Variants in SBNO2 observed in about 807,000 individuals in gnomAD.
The protein encoded by SBNO2 is strawberry notch homolog 2.
In SBNO2, 89 loss-of-function variants were observed where a neutral mutation model predicts 146.3. The observed-to-expected ratio is 0.61, with a 90% CI of 0.51 to 0.73. SBNO2 has a LOEUF of 0.73. SBNO2 is among the 30% of genes least tolerant of loss of function. The probability of loss-of-function intolerance (pLI) is 0.00; values close to 1 mark genes in which losing one functional copy is unlikely to be tolerated. For synonymous variants in SBNO2, 1,147 were observed against 892.6 expected (o/e 1.29, Z -5.08); for missense variants, 2,092 against 2,003.7 (o/e 1.04, Z -0.84).
chr19:1,156,750 G>C (rs1479198278), intron 1 of SBNO2, among the ~76,000 whole-genome samples: 1 of 152,126 alleles, frequency 6.6e-6, no homozygotes, highest in East Asian at 1.9e-4. Flanking sequence ...GCCAGGCACA[G>C]ATGTGTGTGA....
intron 24 of SBNO2, 27 bp from the exon 25 acceptor site, chr19:1,111,120 G>C (rs115495838): frequency 1.3e-6 from 2 of 1,538,944 alleles, no homozygotes; most frequent in Non-Finnish European, 1.7e-6. Context: ...CTCACATGCT[G>C]GTCTTCCCAC....
rs371572123 is a variant in SBNO2 at position 1,133,215 on chromosome 19, TGCCCACGAGACCGCGG to T, written c.280-5466_280-5451del. 4.2e-3 allele frequency among the ~76,000 whole-genome samples: 634 copies of T among 152,160 alleles called. 4 individuals are homozygous for T. The highest frequency in any genetic ancestry group is 0.015 in the African/African-American group (608 of 41,544). ...GCGACTGACGGGGCAGAGGCCGCAT[TGCCCACGAGACCGCGG>T]CCGAGACCGCGCAGGTGGCCACGGC... On this transcript the variant is annotated intron_variant, in intron 4 of 31. Transcript: ENST00000361757.
rs189976016 is a variant in SBNO2 at position 1,138,541 on chromosome 19, C to T, written c.279+8768G>A. On this transcript the variant is annotated intron_variant, in intron 4 of 31. Coordinates refer to ENST00000361757, the MANE Select transcript of SBNO2 (RefSeq NM_014963.3). ...GGTATGAGCCCAAGAGAAACGAAAA[C>T]GTGTCCACTGGGAAGTTTGCACCCG... 4.0e-3 allele frequency among the ~76,000 whole-genome samples: 613 copies of T among 152,178 alleles called. 21 individuals are homozygous for T. Among genetic ancestry groups the T allele is most frequent in the Admixed American group, 0.039 (590 of 15,294 alleles).
chr19:1,121,615 G>A (rs940424298), intron 11 of SBNO2, among the ~76,000 whole-genome samples: 2 of 152,024 alleles, frequency 1.3e-5, no homozygotes, highest in East Asian at 1.9e-4. Flanking sequence ...TAACTGTCCT[G>A]GGTCTCCTGT....
In SBNO2 at chr19:1,158,311, G is replaced by T. The variant is rs781516449; in HGVS notation, c.-126-3909C>A. 6.6e-6 allele frequency among the ~76,000 whole-genome samples: 1 copy of T among 152,074 alleles called. No homozygotes were observed. Among genetic ancestry groups the T allele is most frequent in the Non-Finnish European group, 1.5e-5 (1 of 67,998 alleles). ...GTCCTCGGAGCCCGGTTCTCCTGCC[G>T]TCCTCTCGCCGAGCAGGGTTGTGAC... On this transcript the variant is annotated intron_variant, in intron 1 of 31. Coordinates refer to ENST00000361757, the MANE Select transcript of SBNO2 (RefSeq NM_014963.3). This position sits in a 1 kb window ranked among gnomAD's most constrained non-coding sequence, Gnocchi z 9.9.
At chr19:1,116,252 G>A in intron 16 of SBNO2, 149 bp from the exon 17 acceptor site, 4 of 654,272 alleles carry the variant, frequency 6.1e-6, no homozygotes, top group South Asian at 5.9e-5. Flanking sequence ...GAGTGGGCTG[G>A]GGAGGACTGG....
rs1356853254 is a variant in SBNO2 at position 1,144,229 on chromosome 19, G to C, written c.279+3080C>G. On this transcript the variant is annotated intron_variant, in intron 4 of 31. Coordinates refer to ENST00000361757, the MANE Select transcript of SBNO2 (RefSeq NM_014963.3). This position sits in a 1 kb window ranked among gnomAD's most constrained non-coding sequence, Gnocchi z 4.1. ...GCGGCCCAGCCCACAGGACTGAGCT[G>C]ACCCACACCCGTCCCATCCCACACT... 6.6e-6 allele frequency among the ~76,000 whole-genome samples: 1 copy of C among 151,716 alleles called. No individual in the cohort carries two copies. Among genetic ancestry groups the C allele is most frequent in the African/African-American group, 2.4e-5 (1 of 41,274 alleles).
Position 1,110,232 on chromosome 19 carries a change from C to T in SBNO2, c.3029-455G>A, listed in dbSNP as rs573934522. ...GAGTGAAGTAGCCATGGCCCGGACC[C>T]GACCCTCATCTGGACACAGGGAAGT... On this transcript the variant is annotated intron_variant, in intron 26 of 31. Coordinates refer to ENST00000361757, the MANE Select transcript of SBNO2 (RefSeq NM_014963.3). This position sits in a 1 kb window ranked among gnomAD's most constrained non-coding sequence, Gnocchi z 4.9. Among the ~76,000 whole-genome samples, 8 of 152,228 alleles carry T rather than the reference C, an allele frequency of 5.3e-5. No individual in the cohort carries two copies. Among genetic ancestry groups the T allele is most frequent in the South Asian group, 2.1e-4 (1 of 4,830 alleles).
chr19:1,120,019 A>G lies in SBNO2; in HGVS notation c.1154T>C (p.Val385Ala). 2 of 1,550,810 alleles carry G rather than the reference A, an allele frequency of 1.3e-6. No individual in the cohort carries two copies. The highest frequency in any genetic ancestry group is 1.7e-6 in the Non-Finnish European group (2 of 1,146,890). ...CTTGGCTTTGTGACACTCGTCGAAC[A>G]CGATCTGAGGCACACGTGGGTTAAG... ...WCGEAFEGVI[V>A]FDECHKAKNA... The change falls in exon 12 of 32, where the codon GTG becomes GCG. Residue 385 changes from valine (V) to alanine (A), a missense_variant. By Grantham distance (64) the Val-to-Ala change is moderately conservative (BLOSUM62 0). Transcript: ENST00000361757.
chr19:1,121,660 G>A (rs928361489), intron 11 of SBNO2, among the ~76,000 whole-genome samples: 1 of 152,186 alleles, frequency 6.6e-6, no homozygotes, highest in African/African-American at 2.4e-5. Context: ...CTGCCGACGA[G>A]AGCCCTGGGA....
At chr19:1,147,592 G>T (rs1055785555) in intron 3 of SBNO2, among the ~76,000 whole-genome samples, 172 bp from the exon 4 acceptor site, 1 of 152,074 alleles carries the variant, frequency 6.6e-6, no homozygotes, top group Admixed American at 6.5e-5. Flanking sequence ...CTCCAGGGGG[G>T]TGGTGGTCAA....
In SBNO2 at chr19:1,119,900, C is replaced by T. The variant is rs2079879806; in HGVS notation, c.1267+6G>A. The T allele has an allele frequency of 6.5e-7, 1 of 1,541,584 alleles. No homozygotes were observed. The highest frequency in any genetic ancestry group is 2.4e-5 in the East Asian group (1 of 40,908). On this transcript the variant is annotated splice_donor_region_variant and intron_variant, in intron 12 of 31. Coordinates refer to ENST00000361757, the MANE Select transcript of SBNO2 (RefSeq NM_014963.3). ...GGTGGGTCACGTGGGATCCGCACCG[C>T]CCCACCTGTGGCGCTGGCGTAGACC... is the stretch of plus-strand genomic sequence containing the variant.
At position 1,112,478 on chromosome 19, in the gene SBNO2, A is replaced by G. The variant is rs752845781; in HGVS notation, c.2439T>C (p.Arg813=). Residue 813 remains arginine, a synonymous_variant, in exon 21 of 32, where the codon CGT becomes CGC. Coordinates refer to ENST00000361757, the MANE Select transcript of SBNO2 (RefSeq NM_014963.3). The surrounding 1 kb of genome is among the most constrained non-coding windows in gnomAD (Gnocchi z 5.9). ...GCACGCGGCGCCGCTGGTTCTGGAC[A>G]CGGCGGTCGGCTTGGAGGGAGACAC... ...SSGVSLQADR[R]VQNQRRRVHM... is the part of the protein sequence containing the mutation. 1.1e-5 allele frequency: 17 copies of G among 1,607,218 alleles called. 1 individual carries two copies. Among genetic ancestry groups the G allele is most frequent in the South Asian group, 4.4e-5 (4 of 90,662 alleles).
At chr19:1,128,798 T>A (rs758623823) in intron 4 of SBNO2, among the ~76,000 whole-genome samples, 1 of 151,682 alleles carries the variant, frequency 6.6e-6, no homozygotes, top group African/African-American at 2.4e-5. Flanking sequence ...CAAAACCCCA[T>A]TTCTACTAAA....
In SBNO2 at chr19:1,109,543, A is replaced by C; in HGVS notation, c.3179T>G (p.Leu1060Arg). The C allele has an allele frequency of 6.2e-7, 1 of 1,600,942 alleles. No homozygotes were observed. Among genetic ancestry groups the C allele is most frequent in the Non-Finnish European group, 8.5e-7 (1 of 1,175,104 alleles). The change falls in exon 28 of 32, where the codon CTG becomes CGG. Residue 1060 changes from leucine (L) to arginine (R), a missense_variant. Leu to Arg is a moderately radical substitution (Grantham distance 102, BLOSUM62 -2). Coordinates refer to ENST00000361757, the MANE Select transcript of SBNO2 (RefSeq NM_014963.3). This position sits in a 1 kb window ranked among gnomAD's most constrained non-coding sequence, Gnocchi z 4.2. ...WEDAFAKSLALTGPYDGFYLS... is the reference protein window; with the variant it reads ...WEDAFAKSLARTGPYDGFYLS... ...GTAGAAGCCGTCATAGGGGCCCGTC[A>C]GCGCCAGCGACTTGGCAAAGGCGTC...
At chr19:1,156,712 C>T (rs1384972137) in intron 1 of SBNO2, among the ~76,000 whole-genome samples, 1 of 152,166 alleles carries the variant, frequency 6.6e-6, no homozygotes, top group Non-Finnish European at 1.5e-5. Flanking sequence ...GCAGACGCAC[C>T]TTGAGGACGT....
chr19:1,129,306 G>A (rs563478169), intron 4 of SBNO2, among the ~76,000 whole-genome samples: 2 of 152,162 alleles, frequency 1.3e-5, no homozygotes, highest in South Asian at 2.1e-4. Context: ...CATGTCAAGG[G>A]GGCGCTGTCT....
At chr19:1,115,996 T>C in intron 17 of SBNO2, 25 bp downstream of exon 17, 2 of 861,612 alleles carry the variant, frequency 2.3e-6, no homozygotes, top group Non-Finnish European at 2.8e-6. Context: ...CAGGGGTGGG[T>C]GGGGCCATGG....
intron 3 of SBNO2, among the ~76,000 whole-genome samples, chr19:1,147,780 C>G (rs764975904): frequency 2.6e-5 from 4 of 152,130 alleles, no homozygotes; most frequent in Admixed American, 1.3e-4. Flanking sequence ...ATCCCTCCCC[C>G]ACACACAGGC....
Sources: gnomAD v4.1 joint callset for allele counts (sites outside exome capture counted in the v4.1 genomes callset) on GRCh38, gnomAD v4.1.1 for gene constraint, Gnocchi (gnomAD v3.1) non-coding constraint, MANE v1.5 for transcripts, NCBI Gene and HGNC (gene_info 2026-07-23, HGNC 2026-07-21) for gene names.